The following ENO4 variants were observed in gnomAD, a reference collection of about 807,000 sequenced individuals.
ENO4 encodes the protein 2-phospho-D-glycerate hydro-lyase.
In ENO4, 53 loss-of-function variants were observed where a neutral mutation model predicts 63.2. That is an observed-to-expected ratio of 0.84 (90% CI 0.67 to 1.05). The LOEUF is 1.05. ENO4 is among the 50% of genes least tolerant of loss of function. The pLI is 0.00. For synonymous variants in ENO4, 266 were observed against 283.8 expected, an observed-to-expected ratio of 0.94 and a Z score of 0.63; for missense variants, 719 against 772.0, an observed-to-expected ratio of 0.93 and a Z score of 0.81.
At chr10:116,851,513 AGC>A in intron 1 of ENO4, among the ~76,000 whole-genome samples, 1 of 152,350 alleles carries the variant, frequency 6.6e-6, no homozygotes, top group East Asian at 1.9e-4. Context: ...AACAGAAAAA[AGC>A]AATCTCCTTT....
intron 10 of ENO4, chr10:116,900,312 C>T (rs192358830): frequency 8.6e-5 from 48 of 558,414 alleles, no homozygotes; most frequent in African/African-American, 8.4e-4. Flanking sequence ...AGTCATTGAA[C>T]AAGCAAGATG....
At chr10:116,885,717 C>A (rs1847145146), downstream of ENO4, 1 of 152,368 alleles carries the variant, frequency 6.6e-6, no homozygotes, top group Non-Finnish European at 1.5e-5. Flanking sequence ...CCTCGGGAGG[C>A]TTTGGACACA....
Position 116,900,383 on chromosome 10 carries a change from A to G in ENO4, c.1195-11116A>G, listed in dbSNP as rs1200469386. ...ATCTAACAACTGTGTCTGTCAACAC[A>G]TGGATCCTTTTCACTGTCAATTCAA... On this transcript the variant is annotated intron_variant, in intron 10 of 10. Coordinates refer to the ENO4 transcript ENST00000369207. The G allele has an allele frequency of 5.8e-5, 39 of 671,250 alleles. No homozygotes were observed. The East Asian group carries it at 1.1e-3, about 18-fold the overall frequency. The allele number at this position is 671,250 out of a possible 1,614,324, so 41.6% of individuals were successfully genotyped here.
intron 1 of ENO4, among the ~76,000 whole-genome samples, chr10:116,854,183 C>T (rs1436053607): frequency 1.3e-5 from 2 of 152,150 alleles, no homozygotes; most frequent in Admixed American, 6.5e-5. Flanking sequence ...ACACATAGGA[C>T]TATGAATGAG....
intron 11 of ENO4, among the ~76,000 whole-genome samples, chr10:116,876,542 C>T (rs1846837830): frequency 2.6e-5 from 4 of 152,256 alleles, no homozygotes; most frequent in Admixed American, 2.6e-4. Flanking sequence ...TGGGGAGAGC[C>T]TTTCTGCCTG....
At chr10:116,907,450 T>C (rs1305292580) in intron 10 of ENO4, among the ~76,000 whole-genome samples, 1 of 152,130 alleles carries the variant, frequency 6.6e-6, no homozygotes, top group African/African-American at 2.4e-5. Context: ...TATAAATCTG[T>C]ACTCCTGCTG....
intron 3 of ENO4, among the ~76,000 whole-genome samples, 164 bp from the exon 4 acceptor site, chr10:116,858,826 G>A (rs562432860): frequency 6.6e-6 from 1 of 152,268 alleles, no homozygotes; most frequent in African/African-American, 2.4e-5. Context: ...TTTTATAACA[G>A]CATCATTGTT....
chr10:116,868,181 G>A (rs1289603553), intron 7 of ENO4, among the ~76,000 whole-genome samples: 1 of 152,176 alleles, frequency 6.6e-6, no homozygotes, highest in Non-Finnish European at 1.5e-5. Context: ...CCACCCTGCA[G>A]GAGAAAGTGT....
intron 10 of ENO4, among the ~76,000 whole-genome samples, chr10:116,899,716 T>G (rs947322497): frequency 2.0e-5 from 3 of 152,202 alleles, no homozygotes; most frequent in African/African-American, 7.2e-5. Context: ...ACTACTAGAA[T>G]GCAAAGACAG....
In ENO4 at chr10:116,879,900, T is replaced by TG. The variant is rs1382978098; in HGVS notation, c.1643dup (p.Leu549SerfsTer5). The stretch of plus-strand genomic sequence containing the variant: ...GGGCTTGGTGTCCGGTTCATCAAGT[T>TG]GGGGGGTCTTTCCCGTGGTGAACGA... On this transcript the variant is annotated frameshift_variant, in exon 13 of 14. Coordinates refer to ENST00000341276, the MANE Select transcript of ENO4 (RefSeq NM_001242699.2). LOFTEE classifies it high-confidence loss of function. 3 of 1,550,588 alleles carry TG rather than the reference T, an allele frequency of 1.9e-6. No homozygotes were observed. The highest frequency in any genetic ancestry group is 1.7e-4 in the Middle Eastern group (1 of 5,992).
chr10:116,881,641 C>T lies in ENO4; in HGVS notation c.1850C>T (p.Ser617Leu), dbSNP rs1334984119. Reference protein sequence around the residue: ...PTFPTQGVEESAETGASSG With the variant: ...PTFPTQGVEELAETGASSG ...TTCCCCACACAAGGTGTAGAGGAAT[C>T]AGCCGAAACAGGAGCATCCTCTGGA... Residue 617 changes from serine to leucine, a missense_variant, in exon 14 of 14, where the codon TCA becomes TTA. By Grantham distance (145) the Ser-to-Leu change is moderately radical (BLOSUM62 -2). Around this residue, in one of 3 missense-constraint regions of ENO4, gnomAD observed 168 missense variants for 163.3 expected, o/e 1.03. Coordinates refer to ENST00000341276, the MANE Select transcript of ENO4 (RefSeq NM_001242699.2). 1.3e-6 allele frequency: 2 copies of T among 1,547,424 alleles called. No homozygotes were observed. The highest frequency in any genetic ancestry group is 1.7e-6 in the Non-Finnish European group (2 of 1,145,596).
chr10:116,855,284 C>T (rs1043659901), intron 1 of ENO4, among the ~76,000 whole-genome samples: 2 of 152,228 alleles, frequency 1.3e-5, no homozygotes, highest in Non-Finnish European at 2.9e-5. Flanking sequence ...AGAGTGAGAC[C>T]GTCTCTGTTG....
At chr10:116,902,105 G>C in intron 10 of ENO4, 1 of 691,558 alleles carries the variant, frequency 1.4e-6, no homozygotes, top group South Asian at 2.1e-5. Context: ...AATGTTGTTG[G>C]AAATCTGCTC....
At position 116,868,684 on chromosome 10, in the gene ENO4, A is replaced by G; in HGVS notation, c.1025A>G (p.His342Arg). The change falls in exon 8 of 14, where the codon CAC becomes CGC. Residue 342 changes from histidine to arginine, a missense_variant. His to Arg is a conservative substitution (Grantham distance 29). Coordinates refer to ENST00000341276, the MANE Select transcript of ENO4 (RefSeq NM_001242699.2). ...CCAAAAGCAGAGACAAAAAAAGGGC[A>G]CGATGGAAGCAAAAGAGGTCAAGTA... Reference protein sequence around the residue: ...SPPKAETKKGHDGSKRGQQQI... With the variant: ...SPPKAETKKGRDGSKRGQQQI... 6.4e-7 allele frequency: 1 copy of G among 1,550,564 alleles called. No individual in the cohort carries two copies. The highest frequency in any genetic ancestry group is 8.7e-7 in the Non-Finnish European group (1 of 1,146,970).
At position 116,871,046 on chromosome 10, in the gene ENO4, T is replaced by C. The variant is rs971741085; in HGVS notation, c.1048-79T>C. ...ATCTTTGCAGAGCTATATCTGATCATAAACCATGCTTATCACAGGAAGCGC... is the reference window on the plus strand; with the variant it reads ...ATCTTTGCAGAGCTATATCTGATCACAAACCATGCTTATCACAGGAAGCGC... On this transcript the variant is annotated intron_variant, in intron 8 of 13. Coordinates refer to ENST00000341276, the MANE Select transcript of ENO4 (RefSeq NM_001242699.2). 3.9e-6 allele frequency: 5 copies of C among 1,286,946 alleles called. No individual in the cohort carries two copies. The Admixed American group carries it at 6.2e-5, about 16-fold the overall frequency. The allele number at this position is 1,286,946 out of a possible 1,614,324, so 79.7% of individuals were successfully genotyped here. A position where few individuals can be genotyped will look rare whatever the true frequency, so the allele number is the denominator to read the frequency against.
At position 116,881,626 on chromosome 10, in the gene ENO4, A is replaced by T. The variant is rs1164132349; in HGVS notation, c.1835A>T (p.Gln612Leu). 1 of 1,550,300 alleles carries T rather than the reference A, an allele frequency of 6.5e-7. No homozygotes were observed. Among genetic ancestry groups the T allele is most frequent in the Admixed American group, 2.0e-5 (1 of 50,954 alleles). The part of the protein sequence containing the change: ...REPLVPTFPT[Q>L]GVEESAETGA... ...CCGCTGGTGCCCACCTTCCCCACAC[A>T]AGGTGTAGAGGAATCAGCCGAAACA... Residue 612 changes from glutamine to leucine, a missense_variant, in exon 14 of 14, where the codon CAA becomes CTA. This residue lies in a region of ENO4 where 168 missense variants were observed against 163.3 expected (regional missense o/e 1.03). Coordinates refer to ENST00000341276, the MANE Select transcript of ENO4 (RefSeq NM_001242699.2).
At chr10:116,902,723 T>C (rs926984529) in intron 10 of ENO4, among the ~76,000 whole-genome samples, 2 of 152,220 alleles carry the variant, frequency 1.3e-5, no homozygotes, top group African/African-American at 4.8e-5. Flanking sequence ...TCAGAAGGAA[T>C]GCTTTTAAAA....
At chr10:116,880,191 G>C (rs1846965348) in intron 13 of ENO4, among the ~76,000 whole-genome samples, 1 of 152,014 alleles carries the variant, frequency 6.6e-6, no homozygotes, top group African/African-American at 2.4e-5. Context: ...TAAAACTCTC[G>C]CCCTTTTTCT....
At chr10:116,868,848 C>G in intron 8 of ENO4, 142 bp downstream of exon 8, 2 of 736,694 alleles carry the variant, frequency 2.7e-6, no homozygotes, top group South Asian at 3.4e-5. Context: ...GCTCCAGACA[C>G]CCCCAGAGCT....
Sources: gnomAD v4.1 joint callset for allele counts (sites outside exome capture counted in the v4.1 genomes callset) on GRCh38, gnomAD v4.1.1 for gene constraint, gnomAD v4.1.1 regional missense constraint, MANE v1.5 for transcripts, NCBI Gene and HGNC (gene_info 2026-07-23, HGNC 2026-07-21) for gene names.